Variants in TCP11L2 observed in about 807,000 individuals in gnomAD.
TCP11L2 encodes the protein T-complex protein 11-like protein 2.
In TCP11L2, 39 loss-of-function variants were observed where a neutral mutation model predicts 50.7. The observed-to-expected ratio is 0.77, with a 90% CI of 0.60 to 1.01. The LOEUF (loss-of-function observed/expected upper bound fraction) is 1.01, where lower values mean the gene tolerates loss of function less well. TCP11L2 is among the 50% of genes least tolerant of loss of function. TCP11L2 has a pLI of 0.00. For missense variants in TCP11L2, 612 were observed against 614.7 expected (o/e 1.00, Z 0.05); for synonymous variants, 192 against 219.3 (o/e 0.88, Z 1.10).
At chr12:106,339,437 T>G (rs1422385744) in intron 8 of TCP11L2, among the ~76,000 whole-genome samples, 8 of 152,246 alleles carry the variant, frequency 5.3e-5, no homozygotes, top group Non-Finnish European at 1.0e-4. Flanking sequence ...CTGTTTACTC[T>G]GTGGATAATT....
Position 106,336,224 on chromosome 12 carries a change from A to T in TCP11L2, c.1142+11A>T. The T allele has an allele frequency of 6.3e-7, 1 of 1,599,648 alleles. No homozygotes were observed. Among genetic ancestry groups the T allele is most frequent in the South Asian group, 1.1e-5 (1 of 88,564 alleles). ...AGGCATGAACAAAGAGTAAGTTCCA[A>T]ATTTTTGCATCTGCTCCCTCTTGTA... On this transcript the variant is annotated intron_variant, in intron 8 of 9. Transcript: ENST00000299045.
At chr12:106,329,125 A>G (rs2035657461) in intron 6 of TCP11L2, among the ~76,000 whole-genome samples, 1 of 152,084 alleles carries the variant, frequency 6.6e-6, no homozygotes, top group Non-Finnish European at 1.5e-5. Context: ...TCCAACTGAA[A>G]ATTGGGGTAG....
At chr12:106,325,061 A>G (rs1042344377) in intron 6 of TCP11L2, 2 of 152,208 alleles carry the variant, frequency 1.3e-5, no homozygotes, top group African/African-American at 4.8e-5. Flanking sequence ...CACTTAGAAA[A>G]TCCTTATCAC....
chr12:106,321,829 A>C (rs2035350100), intron 5 of TCP11L2, 123 bp downstream of exon 5: 1 of 753,390 alleles, frequency 1.3e-6, no homozygotes, highest in Admixed American at 2.4e-5. Context: ...CCTAGAAGAA[A>C]ACCATATAAG....
chr12:106,307,859 T>C (rs541421205), intron 1 of TCP11L2, among the ~76,000 whole-genome samples: 5 of 152,378 alleles, frequency 3.3e-5, no homozygotes, highest in African/African-American at 1.2e-4. Context: ...ATTTGTATAC[T>C]GTTTACTGTG....
At chr12:106,315,726 G>T (rs2035053693) in intron 3 of TCP11L2, among the ~76,000 whole-genome samples, 1 of 152,196 alleles carries the variant, frequency 6.6e-6, no homozygotes, top group African/African-American at 2.4e-5. Flanking sequence ...CCGACCTCTA[G>T]TTGGAGCCAC....
intron 8 of TCP11L2, among the ~76,000 whole-genome samples, chr12:106,339,291 G>A (rs1172602213): frequency 1.3e-5 from 2 of 152,210 alleles, no homozygotes; most frequent in African/African-American, 2.4e-5. Flanking sequence ...CTTTTGAGAA[G>A]TATCTGTTCA....
At chr12:106,308,480 A>G (rs2034719226) in intron 1 of TCP11L2, among the ~76,000 whole-genome samples, 2 of 152,248 alleles carry the variant, frequency 1.3e-5, no homozygotes, top group Non-Finnish European at 2.9e-5. Flanking sequence ...AGTTAAAACT[A>G]TTAAGCTAGT....
intron 3 of TCP11L2, among the ~76,000 whole-genome samples, chr12:106,317,095 G>A (rs2035119296): frequency 6.6e-6 from 1 of 152,186 alleles, no homozygotes. Flanking sequence ...GCATAAAAGT[G>A]CCTTGCACAT....
At chr12:106,312,254 T>C in intron 2 of TCP11L2, 1 of 383,226 alleles carries the variant, frequency 2.6e-6, no homozygotes, top group Non-Finnish European at 4.7e-6. Context: ...ACATTTAGTT[T>C]CCATTTTTTT....
intron 8 of TCP11L2, among the ~76,000 whole-genome samples, chr12:106,338,273 A>C (rs2035984551): frequency 6.6e-6 from 1 of 152,192 alleles, no homozygotes; most frequent in South Asian, 2.1e-4. Context: ...TTCATCACCC[A>C]GGTAGTGAGC....
chr12:106,327,167 GT>G lies in TCP11L2; in HGVS notation c.772+3529del, dbSNP rs549570724. On this transcript the variant is annotated intron_variant, in intron 6 of 9. Transcript: ENST00000299045. ...CAAATTATTTGCCTATTTTTTTTCT[GT>G]TTTTTTTCTTTCCTTCTTTTTTTTC... Among the ~76,000 whole-genome samples, 147 of 151,456 alleles carry G rather than the reference GT, an allele frequency of 9.7e-4. 1 individual carries two copies. Among genetic ancestry groups the G allele is most frequent in the African/African-American group, 3.3e-3 (135 of 41,256 alleles).
chr12:106,339,929 C>A (rs2036039187), intron 8 of TCP11L2, among the ~76,000 whole-genome samples: 1 of 152,164 alleles, frequency 6.6e-6, no homozygotes, highest in Non-Finnish European at 1.5e-5. Flanking sequence ...ACCTATTTTT[C>A]TCTTTTCCTT....
chr12:106,331,222 A>T (rs1212014164), intron 6 of TCP11L2, among the ~76,000 whole-genome samples: 2 of 152,192 alleles, frequency 1.3e-5, no homozygotes, highest in African/African-American at 4.8e-5. Flanking sequence ...CAGTGTCTGC[A>T]TGTTTTCCAG....
chr12:106,303,030 C>G (rs1343993296), intron 1 of TCP11L2, 89 bp downstream of exon 1: 1 of 152,418 alleles, frequency 6.6e-6, no homozygotes, highest in Non-Finnish European at 1.5e-5. Context: ...CCGAAGGCTC[C>G]CCTGCCCTAT....
chr12:106,319,087 A>G (rs926910060), intron 4 of TCP11L2, among the ~76,000 whole-genome samples: 2 of 151,508 alleles, frequency 1.3e-5, no homozygotes, highest in Non-Finnish European at 2.9e-5. Flanking sequence ...AATTTTTTGT[A>G]TTTTTAGTAG....
At chr12:106,318,242 G>GT (rs371151571) in intron 3 of TCP11L2, 102 bp from the exon 4 acceptor site, 213 of 1,359,186 alleles carry the variant, frequency 1.6e-4, no homozygotes, top group East Asian at 4.4e-4. Context: ...ATTATTCTGT[G>GT]TTTTTTTTAC....
intron 1 of TCP11L2, among the ~76,000 whole-genome samples, chr12:106,306,195 T>C (rs552000749): frequency 6.6e-6 from 1 of 152,358 alleles, no homozygotes; most frequent in South Asian, 2.1e-4. Flanking sequence ...TGAATTTGAA[T>C]CTTGAAGTTT....
Position 106,330,575 on chromosome 12 carries a change from A to G in TCP11L2, c.773-5064A>G, listed in dbSNP as rs1341887738. Among the ~76,000 whole-genome samples the G allele has an allele frequency of 2.6e-5, 4 of 152,184 alleles. No individual in the cohort carries two copies. In the East Asian group the frequency reaches 7.7e-4, roughly 29 times the overall value. On this transcript the variant is annotated intron_variant, in intron 6 of 9. Coordinates refer to ENST00000299045, the MANE Select transcript of TCP11L2 (RefSeq NM_152772.3). ...ATAGTGCCGAGGTTGAGACACCCTA[A>G]ATAAAGAATTGGAATGAATCCATTT...
Sources: gnomAD v4.1 joint callset for allele counts (sites outside exome capture counted in the v4.1 genomes callset) on GRCh38, gnomAD v4.1.1 for gene constraint, MANE v1.5 for transcripts, NCBI Gene and HGNC (gene_info 2026-07-23, HGNC 2026-07-21) for gene names.